Variants in WDR27 observed in about 807,000 individuals in gnomAD.
The protein encoded by WDR27 is WD repeat-containing protein 27.
In WDR27, 100 loss-of-function variants were observed where a neutral mutation model predicts 114.4. That is an observed-to-expected ratio of 0.87 (90% confidence interval 0.74 to 1.03). WDR27 has a LOEUF of 1.03. Ranked by LOEUF, WDR27 falls within the 50% of genes least tolerant of loss-of-function variation. The pLI is 0.00. For synonymous variants in WDR27, 449 were observed against 423.1 expected, an observed-to-expected ratio of 1.06 and a Z score of -0.75; for missense variants, 1,129 against 1,092.9, an observed-to-expected ratio of 1.03 and a Z score of -0.47.
chr6:169,462,247 C>T (rs550893658), intron 25 of WDR27, among the ~76,000 whole-genome samples: 1 of 152,080 alleles, frequency 6.6e-6, no homozygotes, highest in Non-Finnish European at 1.5e-5. Context: ...GAGTTTGAGA[C>T]CAACCTGGCC....
At chr6:169,660,585 CACAA>C in intron 10 of WDR27, 74 bp downstream of exon 10, 1 of 1,269,150 alleles carries the variant, frequency 7.9e-7, no homozygotes, top group Non-Finnish European at 1.1e-6. Context: ...AGGCCTTCTC[CACAA>C]ACACTTACAC....
intron 25 of WDR27, among the ~76,000 whole-genome samples, chr6:169,535,401 A>AATCAAAAGGATCTGG (rs1796094566): frequency 6.6e-6 from 1 of 152,136 alleles, no homozygotes; most frequent in Admixed American, 6.6e-5. Context: ...CTTGGATCTG[A>AATCAAAAGGATCTGG]CAATCAAAAG....
intron 25 of WDR27, among the ~76,000 whole-genome samples, chr6:169,509,158 T>A (rs574890604): frequency 6.6e-6 from 1 of 152,346 alleles, no homozygotes; most frequent in South Asian, 2.1e-4. Context: ...GAACATTCCA[T>A]GCTCACGGGT....
intron 21 of WDR27, among the ~76,000 whole-genome samples, chr6:169,618,241 T>G (rs1812316140): frequency 6.6e-6 from 1 of 152,222 alleles, no homozygotes; most frequent in Admixed American, 6.5e-5. Flanking sequence ...AAAAGCTGTT[T>G]AAACTTTTAC....
chr6:169,476,706 G>A (rs1205218245), intron 25 of WDR27, among the ~76,000 whole-genome samples: 2 of 152,056 alleles, frequency 1.3e-5, no homozygotes, highest in Non-Finnish European at 2.9e-5. Flanking sequence ...ACACTTTCAA[G>A]TATGAGTTGC....
At chr6:169,527,148 C>T (rs973356856) in intron 25 of WDR27, among the ~76,000 whole-genome samples, 2 of 151,966 alleles carry the variant, frequency 1.3e-5, no homozygotes, top group African/African-American at 4.8e-5. Flanking sequence ...CCTACATATA[C>T]ACAAATAATT....
chr6:169,615,456 T>C (rs60277688), intron 21 of WDR27, among the ~76,000 whole-genome samples: 2,790 of 152,186 alleles, frequency 0.018, 79 homozygotes, highest in African/African-American at 0.062. Flanking sequence ...TAGCTCAAAA[T>C]AGCACAGTAT....
Position 169,630,370 on chromosome 6 carries a change from G to A in WDR27, c.2223+2577C>T, listed in dbSNP as rs371134130. 4.6e-5 allele frequency among the ~76,000 whole-genome samples: 7 copies of A among 152,102 alleles called. No individual in the cohort carries two copies. The South Asian group carries it at 8.3e-4, about 18-fold the overall frequency. On this transcript the variant is annotated intron_variant, in intron 21 of 25. Coordinates refer to ENST00000448612, the MANE Select transcript of WDR27 (RefSeq NM_182552.5). ...ACAGCGAGTCACAGTTCAAATCGGC[G>A]CATGTCAAGTGAACAGATTCCAGGT...
chr6:169,658,844 T>G (rs1336582353), intron 12 of WDR27, among the ~76,000 whole-genome samples: 1 of 152,052 alleles, frequency 6.6e-6, no homozygotes, highest in Non-Finnish European at 1.5e-5. Flanking sequence ...CCACCATGCC[T>G]GGCTAATTGT....
At chr6:169,561,032 T>C (rs1412742752) in intron 25 of WDR27, among the ~76,000 whole-genome samples, 1 of 152,188 alleles carries the variant, frequency 6.6e-6, no homozygotes, top group Non-Finnish European at 1.5e-5. Context: ...GTGTGGAATT[T>C]AGAACAAATG....
rs548542867 is a variant in WDR27 at position 169,529,868 on chromosome 6, T to C, written c.2645+42551A>G. Among the ~76,000 whole-genome samples, 253 of 152,352 alleles carry C rather than the reference T, an allele frequency of 1.7e-3. 2 individuals carry two copies. The highest frequency in any genetic ancestry group is 3.4e-3 in the Middle Eastern group (1 of 294). On this transcript the variant is annotated intron_variant, in intron 25 of 25. Coordinates refer to ENST00000448612, the MANE Select transcript of WDR27 (RefSeq NM_182552.5). ...AAAAAAAAAATAGTTGCCATGTTTT[T>C]GTAATTCACAAACTTCAATAGCACT...
At chr6:169,571,280 A>C (rs1801381545) in intron 25 of WDR27, among the ~76,000 whole-genome samples, 1 of 152,188 alleles carries the variant, frequency 6.6e-6, no homozygotes, top group African/African-American at 2.4e-5. Flanking sequence ...ATAAATAAAA[A>C]GATGACTCAA....
intron 13 of WDR27, among the ~76,000 whole-genome samples, chr6:169,654,782 C>T (rs1353421864): frequency 6.6e-6 from 1 of 151,208 alleles, no homozygotes. Context: ...GAAGGAGGCG[C>T]GTTCAGGAGA....
At chr6:169,682,677 C>A (rs1781842703) in intron 2 of WDR27, among the ~76,000 whole-genome samples, 1 of 152,144 alleles carries the variant, frequency 6.6e-6, no homozygotes, top group African/African-American at 2.4e-5. Context: ...AACCACATGT[C>A]CACAAGCATC....
chr6:169,653,970 G>A (rs569655738), intron 13 of WDR27, among the ~76,000 whole-genome samples: 2 of 152,352 alleles, frequency 1.3e-5, no homozygotes, highest in African/African-American at 2.4e-5. Flanking sequence ...TTAAAAGGCC[G>A]GAAGCTGTGG....
At chr6:169,609,662 G>T (rs1209877827) in intron 22 of WDR27, among the ~76,000 whole-genome samples, 1 of 152,174 alleles carries the variant, frequency 6.6e-6, no homozygotes, top group Admixed American at 6.5e-5. Flanking sequence ...TGATGGGAGG[G>T]GCTGCCATGA....
chr6:169,586,445 C>A (rs1215527359), intron 23 of WDR27, among the ~76,000 whole-genome samples: 1 of 150,426 alleles, frequency 6.6e-6, no homozygotes, highest in African/African-American at 2.4e-5. Flanking sequence ...TGTGTAATGA[C>A]CCTCTGATCT....
chr6:169,477,289 A>G (rs529285101), intron 25 of WDR27, among the ~76,000 whole-genome samples: 29 of 152,268 alleles, frequency 1.9e-4, no homozygotes, highest in Non-Finnish European at 3.8e-4. Flanking sequence ...TGGGCCCATA[A>G]TTGCCTTTTT....
chr6:169,528,204 G>A (rs1186926902), intron 25 of WDR27, among the ~76,000 whole-genome samples: 1 of 152,026 alleles, frequency 6.6e-6, no homozygotes, highest in African/African-American at 2.4e-5. Context: ...TAGATCTAAG[G>A]ACTTTTTACA....
Sources: allele counts gnomAD v4.1 joint callset (sites outside exome capture counted in the v4.1 genomes callset), GRCh38; gene constraint gnomAD v4.1.1; transcripts MANE v1.5; gene names NCBI Gene and HGNC (gene_info 2026-07-23, HGNC 2026-07-21).